The following JARID2 variants were observed in gnomAD, a reference collection of about 807,000 sequenced individuals.
JARID2 encodes the protein protein Jumonji.
In JARID2, 21 loss-of-function variants were observed where a neutral mutation model predicts 125.6. The ratio of observed to expected loss-of-function variants is 0.17; its 90% CI spans 0.12 to 0.24. JARID2 has a LOEUF of 0.24. Among genes scored for constraint, JARID2 ranks in the 10% least tolerant of loss-of-function variants. The probability of loss-of-function intolerance (pLI) is 1.00; values close to 1 mark genes in which losing one functional copy is unlikely to be tolerated. For missense variants in JARID2, 1,303 were observed against 1,639.6 expected (o/e 0.79, Z 3.55); for synonymous variants, 736 against 661.6 (o/e 1.11, Z -1.73).
At chr6:15,464,855 G>T (rs930706624) in intron 4 of JARID2, among the ~76,000 whole-genome samples, 1 of 152,216 alleles carries the variant, frequency 6.6e-6, no homozygotes, top group African/African-American at 2.4e-5. Flanking sequence ...CATCTTCTAG[G>T]TTGAAAACAA....
chr6:15,276,354 C>A (rs1198807312), intron 1 of JARID2, among the ~76,000 whole-genome samples: 2 of 152,194 alleles, frequency 1.3e-5, no homozygotes, highest in Non-Finnish European at 2.9e-5. Flanking sequence ...ATGATGCTTG[C>A]CTAAAAGGGT....
intron 1 of JARID2, among the ~76,000 whole-genome samples, chr6:15,342,253 C>G (rs1426530997): frequency 2.0e-5 from 3 of 152,214 alleles, no homozygotes; most frequent in Non-Finnish European, 4.4e-5. Flanking sequence ...CACAATCTCT[C>G]CACTTGGCCT....
At chr6:15,379,613 G>A (rs1486017259) in intron 2 of JARID2, among the ~76,000 whole-genome samples, 21 of 152,146 alleles carry the variant, frequency 1.4e-4, no homozygotes, top group Admixed American at 1.4e-3. Context: ...GAGATTTAAG[G>A]GACCCTGGAT....
At chr6:15,278,608 A>G (rs913701372) in intron 1 of JARID2, among the ~76,000 whole-genome samples, 1 of 152,102 alleles carries the variant, frequency 6.6e-6, no homozygotes, top group African/African-American at 2.4e-5. Context: ...ATAAAAAAAG[A>G]AAGGTGAGCT....
intron 2 of JARID2, among the ~76,000 whole-genome samples, chr6:15,397,317 A>G (rs951864586): frequency 2.6e-5 from 4 of 152,232 alleles, no homozygotes; most frequent in Non-Finnish European, 4.4e-5. Context: ...TTACAAATAC[A>G]TGGCTGATGC....
intron 4 of JARID2, among the ~76,000 whole-genome samples, chr6:15,461,958 T>C (rs1289763776): frequency 1.3e-5 from 2 of 152,058 alleles, no homozygotes; most frequent in East Asian, 3.9e-4. Flanking sequence ...GGCACCTCCG[T>C]ATTCAGTAAG....
At chr6:15,377,234 C>A (rs1224319748) in intron 2 of JARID2, among the ~76,000 whole-genome samples, 1 of 152,112 alleles carries the variant, frequency 6.6e-6, no homozygotes, top group East Asian at 1.9e-4. Flanking sequence ...TTCCTCATGC[C>A]TGGGGAGGCC....
At chr6:15,328,348 T>C (rs1275590140) in intron 1 of JARID2, among the ~76,000 whole-genome samples, 2 of 152,254 alleles carry the variant, frequency 1.3e-5, no homozygotes, top group Non-Finnish European at 2.9e-5. Context: ...CAGGATGATA[T>C]GCTTTACATG....
intron 1 of JARID2, among the ~76,000 whole-genome samples, chr6:15,367,281 T>C (rs550401197): frequency 1.3e-5 from 2 of 152,334 alleles, no homozygotes; most frequent in East Asian, 3.9e-4. Context: ...TGCTTTTTCA[T>C]CTTTGTTTCC....
intron 1 of JARID2, among the ~76,000 whole-genome samples, chr6:15,253,175 C>T (rs549870114): frequency 5.8e-4 from 88 of 152,046 alleles, no homozygotes; most frequent in African/African-American, 1.8e-3. Flanking sequence ...GCTATTCTCC[C>T]GCCTCAGCCT....
intron 3 of JARID2, among the ~76,000 whole-genome samples, chr6:15,424,693 A>C (rs1353410728): frequency 1.3e-5 from 2 of 152,138 alleles, no homozygotes; most frequent in Non-Finnish European, 2.9e-5. Flanking sequence ...CCCTGCCTCC[A>C]CTAAAAAAAT....
chr6:15,414,867 G>C (rs1353515630), intron 3 of JARID2, among the ~76,000 whole-genome samples: 1 of 151,972 alleles, frequency 6.6e-6, no homozygotes, highest in African/African-American at 2.4e-5. Context: ...CACAGAGGGG[G>C]ATTTGGCAGG....
chr6:15,477,365 TA>T (rs1176990150), intron 5 of JARID2, among the ~76,000 whole-genome samples: 3 of 152,070 alleles, frequency 2.0e-5, no homozygotes, highest in Admixed American at 1.3e-4. Flanking sequence ...AGACACTCTG[TA>T]ACAGACAAAT....
At chr6:15,351,569 G>A (rs564886183) in intron 1 of JARID2, among the ~76,000 whole-genome samples, 9 of 152,252 alleles carry the variant, frequency 5.9e-5, no homozygotes, top group South Asian at 4.1e-4. Flanking sequence ...CATGTGTAGC[G>A]TCTGATGCTA....
chr6:15,332,142 A>G (rs1762731231), intron 1 of JARID2, among the ~76,000 whole-genome samples: 1 of 152,236 alleles, frequency 6.6e-6, no homozygotes, highest in Non-Finnish European at 1.5e-5. Flanking sequence ...TGGGGGGATT[A>G]GAATGTGCTA....
rs746104955 is a variant in JARID2 at position 15,496,873 on chromosome 6, G to A, written c.1648G>A (p.Gly550Arg). ...GKAEKGGGKA[G>R]WAAMDEIPVL... ...GGCCGAGAAGGGCGGCGGCAAGGCC[G>A]GGTGGGCGGCCATGGACGAGATCCC... The change falls in exon 7 of 18, where the codon GGG becomes AGG. Residue 550 changes from glycine to arginine, a missense_variant. By Grantham distance (125) the Gly-to-Arg change is moderately radical (BLOSUM62 -2). This residue lies in a region of JARID2 where 651 missense variants were observed against 581.6 expected (regional missense o/e 1.12). Coordinates refer to ENST00000341776, the MANE Select transcript of JARID2 (RefSeq NM_004973.4). 6.9e-6 allele frequency: 11 copies of A among 1,601,126 alleles called. No homozygotes were observed. The highest frequency in any genetic ancestry group is 1.1e-5 in the South Asian group (1 of 89,618).
Position 15,452,077 on chromosome 6 carries a change from T to C in JARID2, c.395T>C (p.Ile132Thr), listed in dbSNP as rs201810677. The change falls in exon 4 of 18, where the codon ATA becomes ACA. Residue 132 changes from isoleucine to threonine, a missense_variant. Physicochemically the swap from Ile to Thr is moderately conservative, Grantham distance 89. Around this residue, in one of 11 missense-constraint regions of JARID2, gnomAD observed 42 missense variants for 35.7 expected, o/e 1.18. Coordinates refer to ENST00000341776, the MANE Select transcript of JARID2 (RefSeq NM_004973.4). ...PNSPSTTPVKIVEPLLPPPAT... is the reference protein window; with the variant it reads ...PNSPSTTPVKTVEPLLPPPAT... The stretch of plus-strand genomic sequence containing the variant: ...AGTCCCAGCACAACTCCAGTAAAGA[T>C]AGTGGAGCCATTGCTACCCCCTCCA... 8 of 1,613,994 alleles carry C rather than the reference T, an allele frequency of 5.0e-6. No individual in the cohort carries two copies. The highest frequency in any genetic ancestry group is 2.2e-5 in the South Asian group (2 of 91,078).
intron 3 of JARID2, among the ~76,000 whole-genome samples, chr6:15,451,643 T>C (rs868201844): frequency 3.9e-5 from 6 of 152,182 alleles, no homozygotes; most frequent in South Asian, 2.1e-4. Context: ...GTTTTCTTCT[T>C]TACTGTCAGT....
chr6:15,443,269 A>T (rs78690420), intron 3 of JARID2, among the ~76,000 whole-genome samples: 2 of 152,206 alleles, frequency 1.3e-5, no homozygotes, highest in East Asian at 3.9e-4. Flanking sequence ...ATATATTTTT[A>T]AGTAGTTATG....
Sources: gnomAD v4.1 joint callset for allele counts (sites outside exome capture counted in the v4.1 genomes callset) on GRCh38, gnomAD v4.1.1 for gene constraint, gnomAD v4.1.1 regional missense constraint, MANE v1.5 for transcripts, NCBI Gene and HGNC (gene_info 2026-07-23, HGNC 2026-07-21) for gene names.